PTPDC1: variants seen among roughly 807,000 people sequenced by gnomAD.
The protein encoded by PTPDC1 is protein tyrosine phosphatase domain-containing protein 1.
PTPDC1 carries 53 observed loss-of-function variants against 75.3 expected under a neutral mutation model. The observed-to-expected ratio is 0.70, with a 90% confidence interval of 0.56 to 0.88. PTPDC1 has a LOEUF of 0.88. Ranked by LOEUF, PTPDC1 falls within the 40% of genes least tolerant of loss-of-function variation. PTPDC1 has a pLI of 0.00. For missense variants in PTPDC1, 925 were observed against 998.6 expected (o/e 0.93, Z 0.99); for synonymous variants, 349 against 366.2 (o/e 0.95, Z 0.54).
chr9:94,086,147 C>T (rs1333014876), intron 2 of PTPDC1, among the ~76,000 whole-genome samples: 7 of 152,132 alleles, frequency 4.6e-5, no homozygotes, highest in African/African-American at 1.7e-4. Flanking sequence ...TGTCAACTGG[C>T]TTATCCAGCT....
intron 1 of PTPDC1, among the ~76,000 whole-genome samples, chr9:94,042,201 T>A (rs1643863348): frequency 6.6e-6 from 1 of 152,208 alleles, no homozygotes; most frequent in South Asian, 2.1e-4. Context: ...TATTAACCCA[T>A]ACTTCCATAA....
rs552520974 is a variant in PTPDC1 at position 94,051,688 on chromosome 9, G to A, written c.-6-13046G>A. On this transcript the variant is annotated intron_variant, in intron 1 of 9. Coordinates refer to the PTPDC1 transcript ENST00000375360. Reference sequence around the variant, plus strand: ...TCATTATCTATATCCCCTTGAGGGAGTTTTAATAGTTTGTGCACTTGAAGG... The same window carrying A: ...TCATTATCTATATCCCCTTGAGGGAATTTTAATAGTTTGTGCACTTGAAGG... Among the ~76,000 whole-genome samples, 8 of 152,270 alleles carry A rather than the reference G, an allele frequency of 5.3e-5. No individual in the cohort carries two copies. In the South Asian group the frequency reaches 1.5e-3, roughly 28 times the overall value.
intron 1 of PTPDC1, among the ~76,000 whole-genome samples, chr9:94,050,051 G>GT (rs1449030556): frequency 6.6e-6 from 1 of 152,100 alleles, no homozygotes; most frequent in East Asian, 1.9e-4. Flanking sequence ...TCGTGGCTTG[G>GT]TTTTCAGCTC....
At chr9:94,054,790 A>T (rs1194301140) in intron 1 of PTPDC1, among the ~76,000 whole-genome samples, 1 of 152,230 alleles carries the variant, frequency 6.6e-6, no homozygotes, top group Non-Finnish European at 1.5e-5. Context: ...CCAACAGGAA[A>T]TCCCCAAATG....
At chr9:94,074,470 T>C (rs955661908) in intron 2 of PTPDC1, among the ~76,000 whole-genome samples, 9 of 152,076 alleles carry the variant, frequency 5.9e-5, no homozygotes, top group South Asian at 2.1e-4. Context: ...TCACACTGCT[T>C]TGTTTCTGCA....
At chr9:94,032,888 G>GTC (rs1829754318) in intron 1 of PTPDC1, among the ~76,000 whole-genome samples, 1 of 152,000 alleles carries the variant, frequency 6.6e-6, no homozygotes, top group Admixed American at 6.6e-5. Context: ...TTGAAACAGT[G>GTC]TCTCGCTCAG....
intron 7 of PTPDC1, 31 bp from the exon 8 acceptor site, chr9:94,104,244 A>T: frequency 1.3e-6 from 2 of 1,551,000 alleles, no homozygotes; most frequent in Non-Finnish European, 8.8e-7. Context: ...TTTTTGAAAA[A>T]TTTTTTAAAT....
At chr9:94,050,916 G>A (rs1564011780) in intron 1 of PTPDC1, among the ~76,000 whole-genome samples, 1 of 152,176 alleles carries the variant, frequency 6.6e-6, no homozygotes, top group Non-Finnish European at 1.5e-5. Flanking sequence ...GCAATGGCGG[G>A]CGCCCCTCCC....
intron 4 of PTPDC1, among the ~76,000 whole-genome samples, chr9:94,091,734 G>A (rs1307533427): frequency 6.6e-6 from 1 of 152,140 alleles, no homozygotes; most frequent in African/African-American, 2.4e-5. Flanking sequence ...TGGTTGGTAA[G>A]CTATTGATTA....
upstream of PTPDC1, among the ~76,000 whole-genome samples, chr9:94,081,135 A>G (rs1826869723): frequency 6.6e-6 from 1 of 151,786 alleles, no homozygotes; most frequent in Admixed American, 6.6e-5. Context: ...TACTACAGGC[A>G]TGCGCCACTA....
In PTPDC1 at chr9:94,097,838, C is replaced by G. The variant is rs781139315; in HGVS notation, c.1272C>G (p.Asp424Glu). 3 of 1,614,194 alleles carry G rather than the reference C, an allele frequency of 1.9e-6. No homozygotes were observed. The highest frequency in any genetic ancestry group is 3.3e-5 in the Admixed American group (2 of 60,016). Residue 424 changes from aspartate to glutamate, a missense_variant, in exon 6 of 9, where the codon GAC (aspartate) becomes GAG (glutamate). Physicochemically the swap from Asp to Glu is conservative, Grantham distance 45. Transcript: ENST00000620992. ...GMIFSNEQQF[D>E]PLWKRRNVEC... Reference sequence around the variant, plus strand: ...TTTTCTCCAATGAGCAACAGTTTGACCCTCTTTGGAAAAGGCGGAATGTTG... The same window carrying G: ...TTTTCTCCAATGAGCAACAGTTTGAGCCTCTTTGGAAAAGGCGGAATGTTG...
intron 2 of PTPDC1, among the ~76,000 whole-genome samples, chr9:94,086,649 A>G (rs986770798): frequency 1.3e-5 from 2 of 152,248 alleles, no homozygotes; most frequent in African/African-American, 2.4e-5. Context: ...AGGCCTGACA[A>G]GAGTAATAGT....
intron 1 of PTPDC1, among the ~76,000 whole-genome samples, chr9:94,061,714 T>A (rs376697283): frequency 3.9e-5 from 6 of 152,210 alleles, no homozygotes; most frequent in African/African-American, 1.4e-4. Flanking sequence ...CCATTTTAGC[T>A]ACAGCTGGAG....
chr9:94,054,882 A>G (rs1459350802), intron 1 of PTPDC1, among the ~76,000 whole-genome samples: 1 of 152,248 alleles, frequency 6.6e-6, no homozygotes, highest in Non-Finnish European at 1.5e-5. Context: ...CCTGGCCAGC[A>G]TAAGGAACTC....
At chr9:94,087,949 C>T in intron 3 of PTPDC1, 38 bp downstream of exon 3, 2 of 1,568,150 alleles carry the variant, frequency 1.3e-6, no homozygotes, top group African/African-American at 1.4e-5. Flanking sequence ...TGAGCAAACT[C>T]ATGTGTTTTT....
chr9:94,042,301 A>T (rs1400925425), intron 1 of PTPDC1, among the ~76,000 whole-genome samples: 1 of 152,014 alleles, frequency 6.6e-6, no homozygotes, highest in Non-Finnish European at 1.5e-5. Flanking sequence ...AGTTTCTTAA[A>T]CTGCAGTCTC....
Position 94,058,426 on chromosome 9 carries a change from C to T in PTPDC1, c.-6-6308C>T, listed in dbSNP as rs934946466. On this transcript the variant is annotated intron_variant, in intron 1 of 9. Transcript: ENST00000375360. ...AAGAAAAAAGCTATTGGGCCAGGCG[C>T]GGTGGCTCACACCTGTAATCCCAAC... Among the ~76,000 whole-genome samples, 8 of 152,048 alleles carry T rather than the reference C, an allele frequency of 5.3e-5. 1 individual carries two copies. The Middle Eastern group carries it at 0.017, about 323-fold the overall frequency.
chr9:94,034,635 G>C (rs1443599841), intron 1 of PTPDC1, among the ~76,000 whole-genome samples: 3 of 152,100 alleles, frequency 2.0e-5, no homozygotes, highest in Non-Finnish European at 2.9e-5. Context: ...GTTTATCCAA[G>C]GGATGTAATT....
intron 1 of PTPDC1, among the ~76,000 whole-genome samples, chr9:94,045,915 T>C (rs540520020): frequency 2.6e-5 from 4 of 152,384 alleles, no homozygotes; most frequent in African/African-American, 9.6e-5. Context: ...ATGAAGTCCT[T>C]GCTCATGCTT....
Sources: gnomAD v4.1 joint callset for allele counts (sites outside exome capture counted in the v4.1 genomes callset) on GRCh38, gnomAD v4.1.1 for gene constraint, MANE v1.5 for transcripts, NCBI Gene and HGNC (gene_info 2026-07-23, HGNC 2026-07-21) for gene names.